Variants in PLEKHM3 observed in about 807,000 individuals in gnomAD.
The protein encoded by PLEKHM3 is pleckstrin homology domain containing M3, also known as pleckstrin homology domain-containing family M member 3.
Under a neutral mutation model 81.8 loss-of-function variants are expected in PLEKHM3, and 45 were observed. The observed-to-expected ratio is 0.55, with a 90% CI of 0.43 to 0.71. The LOEUF is 0.71. Ranked by LOEUF, PLEKHM3 falls within the 30% of genes least tolerant of loss-of-function variation. PLEKHM3 has a pLI of 0.00. For synonymous variants in PLEKHM3, 352 were observed against 356.4 expected (o/e 0.99, Z 0.14); for missense variants, 788 against 924.3 (o/e 0.85, Z 1.91).
chr2:207,830,425 C>A (rs2092279374), intron 7 of PLEKHM3, among the ~76,000 whole-genome samples: 1 of 151,868 alleles, frequency 6.6e-6, no homozygotes, highest in Non-Finnish European at 1.5e-5. Context: ...ACCAGCCTGG[C>A]CAACATGGTG....
At chr2:207,969,660 T>C (rs1035711016) in intron 3 of PLEKHM3, among the ~76,000 whole-genome samples, 10 of 152,230 alleles carry the variant, frequency 6.6e-5, no homozygotes, top group African/African-American at 2.4e-4. Context: ...TGAGCATATA[T>C]AACTAGGAGC....
intron 5 of PLEKHM3, among the ~76,000 whole-genome samples, chr2:207,923,905 A>ATATATATATATATATATTTT (rs1396762429): frequency 7.1e-5 from 2 of 28,340 alleles, no homozygotes; most frequent in Non-Finnish European, 1.3e-4. Context: ...ATATATATAT[A>ATATATATATATATATATTTT]TTTTTTTTTT....
intron 6 of PLEKHM3, among the ~76,000 whole-genome samples, chr2:207,864,158 T>C (rs1337819860): frequency 6.6e-6 from 1 of 152,200 alleles, no homozygotes; most frequent in Non-Finnish European, 1.5e-5. Flanking sequence ...GAAATTATCC[T>C]GGCTGTTTTG....
chr2:207,861,024 C>A, intron 7 of PLEKHM3, 81 bp downstream of exon 7: 1 of 1,485,660 alleles, frequency 6.7e-7, no homozygotes, highest in Non-Finnish European at 9.2e-7. Flanking sequence ...CACTACTTGA[C>A]TAAAAGTTGG....
intron 6 of PLEKHM3, among the ~76,000 whole-genome samples, chr2:207,892,667 A>G (rs1688096829): frequency 6.6e-6 from 1 of 152,056 alleles, no homozygotes; most frequent in African/African-American, 2.4e-5. Flanking sequence ...CACCCCTTTC[A>G]TTATCCCATT....
At chr2:207,982,493 C>T (rs1691564975) in intron 2 of PLEKHM3, among the ~76,000 whole-genome samples, 1 of 150,342 alleles carries the variant, frequency 6.7e-6, no homozygotes, top group Non-Finnish European at 1.5e-5. Flanking sequence ...TGGTCTCAAA[C>T]TCCTGGCTTC....
At chr2:207,992,371 C>T (rs1435956205) in intron 2 of PLEKHM3, among the ~76,000 whole-genome samples, 1 of 152,178 alleles carries the variant, frequency 6.6e-6, no homozygotes, top group East Asian at 1.9e-4. Flanking sequence ...ATAATGAACA[C>T]TTCTTAGCAC....
intron 3 of PLEKHM3, among the ~76,000 whole-genome samples, chr2:207,953,832 A>G (rs1168903581): frequency 6.6e-6 from 1 of 152,036 alleles, no homozygotes; most frequent in African/African-American, 2.4e-5. Context: ...TACAAAAAAA[A>G]AAAAAAAAGA....
intron 6 of PLEKHM3, among the ~76,000 whole-genome samples, chr2:207,898,274 G>A (rs1367517789): frequency 1.3e-5 from 2 of 152,222 alleles, no homozygotes; most frequent in East Asian, 3.9e-4. Flanking sequence ...TTGGAAAACG[G>A]GAAGAGCAGA....
chr2:207,938,706 A>G (rs192492598), intron 4 of PLEKHM3, among the ~76,000 whole-genome samples: 83 of 152,370 alleles, frequency 5.4e-4, no homozygotes, highest in African/African-American at 1.9e-3. Context: ...GTCCACTAAG[A>G]ACTTGGGAAG....
intron 4 of PLEKHM3, among the ~76,000 whole-genome samples, chr2:207,936,846 AGTGTGTGT>A (rs57642698): frequency 2.5e-3 from 370 of 146,790 alleles, no homozygotes; most frequent in Middle Eastern, 6.8e-3. Context: ...TAGATAAATT[AGTGTGTGT>A]GTGTGTGTGT....
At chr2:207,960,913 G>A (rs893422442) in intron 3 of PLEKHM3, among the ~76,000 whole-genome samples, 1 of 152,210 alleles carries the variant, frequency 6.6e-6, no homozygotes, top group Admixed American at 6.5e-5. Flanking sequence ...TAGTTTCTGG[G>A]GGAAAAAATT....
intron 5 of PLEKHM3, among the ~76,000 whole-genome samples, chr2:207,927,870 A>G (rs890931750): frequency 9.2e-5 from 14 of 152,196 alleles, no homozygotes; most frequent in Non-Finnish European, 1.8e-4. Context: ...GGAAGTATGG[A>G]CACCCTGGCA....
intron 7 of PLEKHM3, among the ~76,000 whole-genome samples, chr2:207,848,414 C>T: frequency 6.6e-6 from 1 of 152,208 alleles, no homozygotes; most frequent in Admixed American, 6.5e-5. Context: ...ATCATCTCCA[C>T]ATTCAGCCTC....
At chr2:207,865,801 A>AAAAAAAAAATATATAT in intron 6 of PLEKHM3, among the ~76,000 whole-genome samples, 5 of 25,288 alleles carry the variant, frequency 2.0e-4, no homozygotes, top group African/African-American at 4.2e-4. Context: ...AAAAAAAAAA[A>AAAAAAAAAATATATAT]AGATATATAT....
At chr2:208,020,540 G>A (rs766601195) in intron 1 of PLEKHM3, among the ~76,000 whole-genome samples, 2 of 152,166 alleles carry the variant, frequency 1.3e-5, no homozygotes, top group Non-Finnish European at 2.9e-5. Flanking sequence ...CAATGAAACA[G>A]AGCAAACATA....
chr2:207,999,069 G>A (rs1240617135), intron 2 of PLEKHM3, among the ~76,000 whole-genome samples: 1 of 151,526 alleles, frequency 6.6e-6, no homozygotes, highest in Non-Finnish European at 1.5e-5. Flanking sequence ...TGCAATCTCC[G>A]CCTCCCAGGT....
Position 207,825,979 on chromosome 2 carries a change from A to G in PLEKHM3, c.*2340T>C, listed in dbSNP as rs1028926358. On this transcript the variant is annotated 3_prime_UTR_variant, in exon 8 of 8. Transcript: ENST00000427836. The stretch of plus-strand genomic sequence containing the variant: ...ATTTCGCCCTTGACTCTCGGCAGGT[A>G]TGACCCTGGGTGCCTGTGAGCTAGG... 1 of 152,174 alleles carries G rather than the reference A, an allele frequency of 6.6e-6. No homozygotes were observed. The highest frequency in any genetic ancestry group is 2.4e-5 in the African/African-American group (1 of 41,430). The allele number at this position is 152,174 out of a possible 1,614,324, so 9.4% of individuals were successfully genotyped here. A position where few individuals can be genotyped will look rare whatever the true frequency, so the allele number is the denominator to read the frequency against.
At chr2:207,993,656 T>C (rs1166228867) in intron 2 of PLEKHM3, among the ~76,000 whole-genome samples, 2 of 151,790 alleles carry the variant, frequency 1.3e-5, no homozygotes, top group East Asian at 1.9e-4. Flanking sequence ...AACAAGAAAA[T>C]ACAGGCATAG....
Sources: gnomAD v4.1 joint callset for allele counts (sites outside exome capture counted in the v4.1 genomes callset) on GRCh38, gnomAD v4.1.1 for gene constraint, MANE v1.5 for transcripts, NCBI Gene and HGNC (gene_info 2026-07-23, HGNC 2026-07-21) for gene names.